ACAP2: variants seen among roughly 807,000 people sequenced by gnomAD.
ACAP2 encodes the protein arf-GAP with coiled-coil, ANK repeat and PH domain-containing protein 2.
Under a neutral mutation model 115.8 loss-of-function variants are expected in ACAP2, and 39 were observed. The ratio of observed to expected loss-of-function variants is 0.34; its 90% confidence interval spans 0.26 to 0.44. ACAP2 has a LOEUF of 0.44. Among genes scored for constraint, ACAP2 ranks in the 20% least tolerant of loss-of-function variants. ACAP2 has a pLI of 1.00. For missense variants in ACAP2, 662 were observed against 927.6 expected (o/e 0.71, Z 3.72); for synonymous variants, 289 against 315.8 (o/e 0.92, Z 0.90).
At chr3:195,324,103 T>C (rs542187055) in intron 9 of ACAP2, among the ~76,000 whole-genome samples, 1 of 151,974 alleles carries the variant, frequency 6.6e-6, no homozygotes, top group Admixed American at 6.5e-5. Context: ...TTTAAAAGGA[T>C]TTGATCAACA....
In ACAP2 at chr3:195,288,600, G is replaced by A. The variant is rs142401199; in HGVS notation, c.2174+521C>T. 1.2e-3 allele frequency among the ~76,000 whole-genome samples: 182 copies of A among 152,324 alleles called. 8 individuals are homozygous for A. The East Asian group carries it at 0.027, about 23-fold the overall frequency. ...CGGCCAGGCGCGGTGGCTCACACCT[G>A]TAATCCCAGCACTTTGGGAGGCCGA... On this transcript the variant is annotated intron_variant, in intron 21 of 22. Transcript: ENST00000326793.
intron 1 of ACAP2, among the ~76,000 whole-genome samples, chr3:195,439,628 T>C (rs985925184): frequency 3.3e-5 from 5 of 151,910 alleles, no homozygotes; most frequent in Non-Finnish European, 7.4e-5. Context: ...TTTTTGTTTT[T>C]TTTGTTTTTT....
intron 1 of ACAP2, among the ~76,000 whole-genome samples, chr3:195,394,420 T>C (rs1009568570): frequency 6.6e-6 from 1 of 152,250 alleles, no homozygotes; most frequent in African/African-American, 2.4e-5. Context: ...TAATCGTTGG[T>C]TTCTACTAAA....
intron 22 of ACAP2, among the ~76,000 whole-genome samples, chr3:195,283,253 C>A (rs1244694037): frequency 6.6e-6 from 1 of 152,088 alleles, no homozygotes; most frequent in Non-Finnish European, 1.5e-5. Flanking sequence ...CTCCTAAGGG[C>A]TACTGGGACT....
At chr3:195,393,884 TGGG>T (rs34637964) in intron 1 of ACAP2, among the ~76,000 whole-genome samples, 1 of 121,480 alleles carries the variant, frequency 8.2e-6, no homozygotes, top group South Asian at 2.6e-4. Flanking sequence ...AGTATTATAT[TGGG>T]GGGGGGGGAA....
intron 1 of ACAP2, among the ~76,000 whole-genome samples, chr3:195,435,813 G>A (rs1182237592): frequency 1.3e-5 from 2 of 152,158 alleles, no homozygotes; most frequent in Non-Finnish European, 2.9e-5. Context: ...CGAGAAGAAT[G>A]TGAATTCTGC....
chr3:195,395,856 AAC>A (rs1285819383), intron 1 of ACAP2, among the ~76,000 whole-genome samples: 9 of 152,202 alleles, frequency 5.9e-5, no homozygotes, highest in Admixed American at 3.3e-4. Flanking sequence ...AATTCAGAAA[AAC>A]AGATACTTTA....
chr3:195,341,435 C>T (rs940809265), intron 6 of ACAP2, among the ~76,000 whole-genome samples: 2 of 150,096 alleles, frequency 1.3e-5, no homozygotes, highest in African/African-American at 4.9e-5. Context: ...CGCCATTCTC[C>T]TGCCTCAGCC....
At chr3:195,440,985 T>A (rs1715946165) in intron 1 of ACAP2, among the ~76,000 whole-genome samples, 1 of 152,174 alleles carries the variant, frequency 6.6e-6, no homozygotes, top group South Asian at 2.1e-4. Context: ...TAACAAAAGT[T>A]CACTATAATA....
At chr3:195,385,544 T>C (rs1734245371) in intron 2 of ACAP2, among the ~76,000 whole-genome samples, 1 of 151,766 alleles carries the variant, frequency 6.6e-6, no homozygotes, top group Non-Finnish European at 1.5e-5. Flanking sequence ...AAAACTAAAA[T>C]GGTAAGAACA....
chr3:195,397,292 TG>T (rs1711873444), intron 1 of ACAP2, among the ~76,000 whole-genome samples: 2 of 152,192 alleles, frequency 1.3e-5, no homozygotes, highest in South Asian at 4.1e-4. Flanking sequence ...CCTTGGGCAA[TG>T]CTGGACTATT....
intron 1 of ACAP2, among the ~76,000 whole-genome samples, chr3:195,398,383 G>A (rs999601808): frequency 2.6e-5 from 4 of 152,048 alleles, no homozygotes; most frequent in African/African-American, 4.8e-5. Flanking sequence ...GGTGGCTCAC[G>A]GCTGTAATCC....
rs768282873 is a variant in ACAP2, at chr3:195,292,292, C to T, written c.1926G>A (p.Ala642=). ...CTAATACAGCCTGAATAAGTGGTGT[C>T]GCTTTGTTTTCCTCTGAATTGGCCC... The part of the protein sequence containing the change: ...VNWANSEENK[A]TPLIQAVLGG... Residue 642 remains alanine, a synonymous_variant, in exon 19 of 23, where the codon GCG becomes GCA. Coordinates refer to ENST00000326793, the MANE Select transcript of ACAP2 (RefSeq NM_012287.6). 17 of 1,598,468 alleles carry T rather than the reference C, an allele frequency of 1.1e-5. No homozygotes were observed. The highest frequency in any genetic ancestry group is 2.2e-5 in the East Asian group (1 of 44,830).
chr3:195,377,704 AG>A (rs1733648339), intron 4 of ACAP2, among the ~76,000 whole-genome samples: 1 of 152,202 alleles, frequency 6.6e-6, no homozygotes, highest in African/African-American at 2.4e-5. Flanking sequence ...CAGATAGAAT[AG>A]ATGGTATATT....
intron 17 of ACAP2, chr3:195,295,501 T>C: frequency 1.6e-6 from 1 of 639,718 alleles, no homozygotes; most frequent in Non-Finnish European, 2.7e-6. Context: ...CCTTAGAATA[T>C]ACACATTACC....
At chr3:195,431,604 A>ATTTT (rs113830959) in intron 1 of ACAP2, among the ~76,000 whole-genome samples, 14 of 138,458 alleles carry the variant, frequency 1.0e-4, no homozygotes, top group African/African-American at 3.5e-4. Context: ...TGCCCGACTA[A>ATTTT]TTTTTTTTTT....
intron 1 of ACAP2, among the ~76,000 whole-genome samples, chr3:195,422,414 T>C (rs569797018): frequency 1.4e-3 from 211 of 152,324 alleles, no homozygotes; most frequent in Admixed American, 2.4e-3. Context: ...CACTTAGTTT[T>C]CCTCAAGGTT....
intron 6 of ACAP2, 39 bp from the exon 7 acceptor site, chr3:195,337,015 T>C: frequency 6.4e-7 from 1 of 1,557,456 alleles, no homozygotes; most frequent in East Asian, 2.3e-5. Context: ...CCATGCATTA[T>C]TTTAAAGCTA....
chr3:195,417,940 CAA>C lies in ACAP2; in HGVS notation c.53+24853_53+24854del, dbSNP rs879392253. On this transcript the variant is annotated intron_variant, in intron 1 of 22. Transcript: ENST00000326793. ...TGGGTGACAGAGGGAGATCCTGTCTCAAAAAAAAAAAAAGATAGTATCACCTA... is the reference window on the plus strand; with the variant it reads ...TGGGTGACAGAGGGAGATCCTGTCTCAAAAAAAAAAAGATAGTATCACCTA... 7.6e-4 allele frequency among the ~76,000 whole-genome samples: 104 copies of C among 136,374 alleles called. 1 individual carries two copies. The East Asian group carries it at 9.6e-3, about 13-fold the overall frequency. 89.5% of individuals were successfully genotyped at this position (136,374 alleles called of 152,430 possible). A position where few individuals can be genotyped will look rare whatever the true frequency, so the allele number is the denominator to read the frequency against.
Sources: gnomAD v4.1 joint callset for allele counts (sites outside exome capture counted in the v4.1 genomes callset) on GRCh38, gnomAD v4.1.1 for gene constraint, MANE v1.5 for transcripts, NCBI Gene and HGNC (gene_info 2026-07-23, HGNC 2026-07-21) for gene names.